CYP7B1: variants seen among roughly 807,000 people sequenced by gnomAD.
CYP7B1 encodes the protein cytochrome P450 7B1.
A neutral mutation model predicts 42.7 loss-of-function variants in CYP7B1; 29 were observed. That is an observed-to-expected ratio of 0.68 (90% CI 0.51 to 0.93). The LOEUF (loss-of-function observed/expected upper bound fraction) is 0.93. CYP7B1 is among the 40% of genes least tolerant of loss of function. The pLI, the probability that CYP7B1 is intolerant of heterozygous loss-of-function variation, is 0.00. For synonymous variants in CYP7B1, 235 were observed against 218.2 expected, an observed-to-expected ratio of 1.08 and a Z score of -0.68; for missense variants, 655 against 600.5, an observed-to-expected ratio of 1.09 and a Z score of -0.95.
chr8:64,594,826 G>A lies in CYP7B1; in HGVS notation c.*1816C>T, dbSNP rs776651812. Among the ~76,000 whole-genome samples, 163 of 152,336 alleles carry A rather than the reference G, an allele frequency of 1.1e-3. No homozygotes were observed. In the Middle Eastern group the frequency reaches 0.02, roughly 19 times the overall value. On this transcript the variant is annotated 3_prime_UTR_variant, in exon 6 of 6. Transcript: ENST00000310193. ...GAGAAAAGATCAAAGGATGTATGTA[G>A]AGTGAGAGGATCTAATGTAGAGTGT...
At chr8:64,666,265 AT>A (rs1233511692) in intron 1 of CYP7B1, among the ~76,000 whole-genome samples, 6 of 152,250 alleles carry the variant, frequency 3.9e-5, no homozygotes, top group Admixed American at 2.0e-4. Context: ...CAGCTCATGC[AT>A]TTAACAAATA....
intron 1 of CYP7B1, among the ~76,000 whole-genome samples, chr8:64,762,306 A>G (rs1366797893): frequency 6.6e-6 from 1 of 152,192 alleles, no homozygotes; most frequent in African/African-American, 2.4e-5. Context: ...ATTATTTTTG[A>G]TATCAGGATA....
intron 1 of CYP7B1, among the ~76,000 whole-genome samples, chr8:64,733,426 A>G (rs1379112994): frequency 6.6e-6 from 1 of 152,190 alleles, no homozygotes; most frequent in Non-Finnish European, 1.5e-5. Context: ...CCACCATCTG[A>G]GGACCAACTA....
chr8:64,718,143 TA>T (rs1253524173), intron 1 of CYP7B1, among the ~76,000 whole-genome samples: 3 of 151,994 alleles, frequency 2.0e-5, no homozygotes. Flanking sequence ...AAGGTCTAAA[TA>T]AAGTATAAAT....
chr8:64,630,813 C>A (rs1292128192), intron 1 of CYP7B1, among the ~76,000 whole-genome samples: 2 of 152,308 alleles, frequency 1.3e-5, no homozygotes, highest in Admixed American at 6.5e-5. Flanking sequence ...TGGGCATGAC[C>A]TGCTTTAAGA....
intron 1 of CYP7B1, among the ~76,000 whole-genome samples, chr8:64,652,897 C>T (rs1806061719): frequency 6.6e-6 from 1 of 152,058 alleles, no homozygotes; most frequent in Non-Finnish European, 1.5e-5. Context: ...AACATGCTCC[C>T]TTTTGGGTAA....
At chr8:64,787,093 C>T (rs1283502108) in intron 1 of CYP7B1, among the ~76,000 whole-genome samples, 1 of 152,238 alleles carries the variant, frequency 6.6e-6, no homozygotes, top group Non-Finnish European at 1.5e-5. Flanking sequence ...CCGTTTTTCC[C>T]TCCTAGGCCT....
At chr8:64,683,691 C>A (rs1806574879) in intron 1 of CYP7B1, among the ~76,000 whole-genome samples, 1 of 152,146 alleles carries the variant, frequency 6.6e-6, no homozygotes, top group African/African-American at 2.4e-5. Flanking sequence ...TGCGTGTCTG[C>A]ATCAAAGCAT....
At chr8:64,688,014 T>G (rs1043437694) in intron 1 of CYP7B1, among the ~76,000 whole-genome samples, 1 of 152,252 alleles carries the variant, frequency 6.6e-6, no homozygotes, top group African/African-American at 2.4e-5. Flanking sequence ...TCTTATTCTA[T>G]AGCATAATAC....
At chr8:64,599,163 T>C (rs1805161381) in intron 5 of CYP7B1, among the ~76,000 whole-genome samples, 1 of 152,154 alleles carries the variant, frequency 6.6e-6, no homozygotes, top group African/African-American at 2.4e-5. Context: ...AAACTTGGAA[T>C]TCATCAAACT....
chr8:64,714,498 A>G (rs1467224001), intron 1 of CYP7B1, among the ~76,000 whole-genome samples: 1 of 152,226 alleles, frequency 6.6e-6, no homozygotes, highest in East Asian at 1.9e-4. Context: ...AACTAAGAAC[A>G]TCCAGACACT....
chr8:64,629,241 A>T (rs1332990534), intron 1 of CYP7B1, among the ~76,000 whole-genome samples: 1 of 151,704 alleles, frequency 6.6e-6, no homozygotes, highest in Non-Finnish European at 1.5e-5. Flanking sequence ...AAAAAAAAAA[A>T]AAAAAAGTCC....
At chr8:64,606,653 G>A (rs1420053080) in intron 4 of CYP7B1, among the ~76,000 whole-genome samples, 1 of 152,212 alleles carries the variant, frequency 6.6e-6, no homozygotes, top group Non-Finnish European at 1.5e-5. Context: ...TTATGTAGAA[G>A]TTAATCACAA....
At chr8:64,752,911 T>C (rs1807750017) in intron 1 of CYP7B1, among the ~76,000 whole-genome samples, 1 of 152,148 alleles carries the variant, frequency 6.6e-6, no homozygotes, top group African/African-American at 2.4e-5. Context: ...GCTTTGGTAA[T>C]TTACTATTCA....
intron 1 of CYP7B1, among the ~76,000 whole-genome samples, chr8:64,771,392 A>G (rs1034906439): frequency 6.6e-6 from 1 of 152,102 alleles, no homozygotes; most frequent in African/African-American, 2.4e-5. Context: ...TGCTTTAATA[A>G]TATTTCTGAT....
chr8:64,627,947 G>A (rs1018126164), intron 1 of CYP7B1, among the ~76,000 whole-genome samples: 1 of 152,156 alleles, frequency 6.6e-6, no homozygotes, highest in African/African-American at 2.4e-5. Flanking sequence ...ACAGCACAGT[G>A]CAAATACTGC....
intron 1 of CYP7B1, among the ~76,000 whole-genome samples, chr8:64,707,983 C>A (rs1050959595): frequency 4.6e-5 from 7 of 152,124 alleles, no homozygotes; most frequent in Non-Finnish European, 5.9e-5. Flanking sequence ...CTAATCCCCT[C>A]AGGCTTGCTG....
intron 1 of CYP7B1, among the ~76,000 whole-genome samples, chr8:64,755,024 T>C (rs952102786): frequency 4.6e-5 from 7 of 152,040 alleles, no homozygotes; most frequent in Admixed American, 1.3e-4. Flanking sequence ...ACCAGCAACT[T>C]TGGGGAATGG....
intron 1 of CYP7B1, among the ~76,000 whole-genome samples, chr8:64,651,017 T>C (rs1443413459): frequency 6.6e-6 from 1 of 152,174 alleles, no homozygotes; most frequent in Non-Finnish European, 1.5e-5. Flanking sequence ...AAACAACCTA[T>C]AAAAGTGTGT....
Sources: gnomAD v4.1 joint callset for allele counts (sites outside exome capture counted in the v4.1 genomes callset) on GRCh38, gnomAD v4.1.1 for gene constraint, MANE v1.5 for transcripts, NCBI Gene and HGNC (gene_info 2026-07-23, HGNC 2026-07-21) for gene names.